RCSD1: variants seen among roughly 807,000 people sequenced by gnomAD.
RCSD1 encodes the protein RCSD domain containing 1, also known as capZ-interacting protein.
In RCSD1, 26 loss-of-function variants were observed where a neutral mutation model predicts 42.5. That is an observed-to-expected ratio of 0.61 (90% CI 0.45 to 0.85). The LOEUF (loss-of-function observed/expected upper bound fraction) is 0.85. RCSD1 is among the 40% of genes least tolerant of loss of function. The pLI, the probability that RCSD1 is intolerant of heterozygous loss-of-function variation, is 0.00. For missense variants in RCSD1, 571 were observed against 528.3 expected (o/e 1.08, Z -0.79); for synonymous variants, 220 against 212.2 (o/e 1.04, Z -0.32).
At chr1:167,667,834 G>T (rs1427568195) in intron 1 of RCSD1, among the ~76,000 whole-genome samples, 1 of 152,146 alleles carries the variant, frequency 6.6e-6, no homozygotes, top group African/African-American at 2.4e-5. Flanking sequence ...TGTTGCCCCA[G>T]TGGTATTGGT....
chr1:167,658,014 A>G, intron 1 of RCSD1, among the ~76,000 whole-genome samples: 1 of 151,964 alleles, frequency 6.6e-6, no homozygotes, highest in East Asian at 1.9e-4. Flanking sequence ...TGCAGCCTCA[A>G]GCTCCTGAGC....
chr1:167,677,646 A>T lies in RCSD1; in HGVS notation c.7-6254A>T, dbSNP rs548102227. ...CACAATTTACATGTGAGAGATGAGT[A>T]GAGGAAACAGTCCACCTATTGCCTC... On this transcript the variant is annotated intron_variant, in intron 1 of 6. Coordinates refer to ENST00000367854, the MANE Select transcript of RCSD1 (RefSeq NM_052862.4). Among the ~76,000 whole-genome samples, 138 of 152,346 alleles carry T rather than the reference A, an allele frequency of 9.1e-4. 2 individuals carry two copies. Among genetic ancestry groups the T allele is most frequent in the South Asian group, 5.0e-3 (24 of 4,832 alleles).
intron 1 of RCSD1, among the ~76,000 whole-genome samples, chr1:167,658,683 G>A (rs958291092): frequency 7.9e-5 from 12 of 151,780 alleles, no homozygotes; most frequent in African/African-American, 2.2e-4. Context: ...CACCCTCCTC[G>A]GCCTCCCAAA....
intron 1 of RCSD1, among the ~76,000 whole-genome samples, chr1:167,645,936 A>C (rs2102202293): frequency 6.6e-6 from 1 of 152,242 alleles, no homozygotes; most frequent in South Asian, 2.1e-4. Flanking sequence ...TGGAAGGAGC[A>C]CTGGAGGGCC....
At chr1:167,636,748 G>A (rs972785112) in intron 1 of RCSD1, among the ~76,000 whole-genome samples, 2 of 151,958 alleles carry the variant, frequency 1.3e-5, no homozygotes, top group Admixed American at 6.5e-5. Flanking sequence ...CACCACACTC[G>A]GCTAATTTTG....
Position 167,697,150 on chromosome 1 carries a change from A to G in RCSD1, c.526A>G (p.Arg176Gly). Residue 176 changes from arginine to glycine, a missense_variant, in exon 6 of 7, where the codon AGG becomes GGG. Coordinates refer to ENST00000367854, the MANE Select transcript of RCSD1 (RefSeq NM_052862.4). ...KRRPPSRRFR[R>G]SQSDCGELGD... Reference sequence around the variant, plus strand: ...GCGCCCTCCCTCCAGGCGATTCCGAAGGTCACAGTCAGACTGTGGAGAACT... The same window carrying G: ...GCGCCCTCCCTCCAGGCGATTCCGAGGGTCACAGTCAGACTGTGGAGAACT... The G allele has an allele frequency of 1.2e-6, 2 of 1,614,140 alleles. No individual in the cohort carries two copies. Among genetic ancestry groups the G allele is most frequent in the African/African-American group, 1.3e-5 (1 of 75,036 alleles).
At chr1:167,690,716 C>T (rs900571597) in intron 4 of RCSD1, among the ~76,000 whole-genome samples, 3 of 152,030 alleles carry the variant, frequency 2.0e-5, no homozygotes, top group Non-Finnish European at 4.4e-5. Flanking sequence ...GGAAAGGACA[C>T]CATAGTTGCC....
intron 1 of RCSD1, among the ~76,000 whole-genome samples, chr1:167,650,283 G>A (rs1490150331): frequency 6.6e-6 from 1 of 152,238 alleles, no homozygotes; most frequent in Non-Finnish European, 1.5e-5. Context: ...AGAAGCAGGT[G>A]CTCTGGAGCC....
chr1:167,683,565 T>C (rs1464205015), intron 1 of RCSD1, among the ~76,000 whole-genome samples: 1 of 152,236 alleles, frequency 6.6e-6, no homozygotes, highest in Non-Finnish European at 1.5e-5. Context: ...ACTCGTACAC[T>C]GTCGCAGACG....
In RCSD1 at chr1:167,708,184, C is replaced by G. The variant is rs1195040244; in HGVS notation, c.*3488C>G. Among the ~76,000 whole-genome samples, 2 of 152,158 alleles carry G rather than the reference C, an allele frequency of 1.3e-5. No individual in the cohort carries two copies. Among genetic ancestry groups the G allele is most frequent in the Non-Finnish European group, 2.9e-5 (2 of 68,028 alleles). ...GCGTGCCCTCTCCTGGAGCTAGGAG[C>G]TAGGTGAGTCAATCCTGCACTTTCT... On this transcript the variant is annotated 3_prime_UTR_variant, in exon 7 of 7. Transcript: ENST00000367854.
chr1:167,694,188 C>A lies in RCSD1; in HGVS notation c.360C>A (p.Ser120Arg). ...GLKAMVSPFH[S>R]PPSTPSSPGV... Reference sequence around the variant, plus strand: ...AGGCTATGGTGTCGCCATTTCACAGCCCACCTTCTACCCCCAGCAGCCCTG... The same window carrying A: ...AGGCTATGGTGTCGCCATTTCACAGACCACCTTCTACCCCCAGCAGCCCTG... Residue 120 changes from serine to arginine, a missense_variant, in exon 5 of 7, where the codon AGC becomes AGA. Physicochemically the swap from Ser to Arg is moderately radical, Grantham distance 110. Transcript: ENST00000367854. 1.2e-6 allele frequency: 2 copies of A among 1,614,226 alleles called. No individual in the cohort carries two copies. The highest frequency in any genetic ancestry group is 1.7e-6 in the Non-Finnish European group (2 of 1,180,032).
intron 1 of RCSD1, among the ~76,000 whole-genome samples, chr1:167,650,273 A>G (rs1243883710): frequency 6.6e-6 from 1 of 152,204 alleles, no homozygotes; most frequent in Non-Finnish European, 1.5e-5. Flanking sequence ...TCCCTCAAAG[A>G]GAAGCAGGTG....
At chr1:167,646,643 A>G (rs984585196) in intron 1 of RCSD1, among the ~76,000 whole-genome samples, 9 of 152,110 alleles carry the variant, frequency 5.9e-5, no homozygotes, top group Non-Finnish European at 1.2e-4. Flanking sequence ...TTTAAGCCCC[A>G]CATGCATTAG....
chr1:167,646,141 C>T (rs1455657114), intron 1 of RCSD1, among the ~76,000 whole-genome samples: 2 of 152,150 alleles, frequency 1.3e-5, no homozygotes, highest in African/African-American at 4.8e-5. Context: ...TGTTTTCCAT[C>T]TAGGAGCATG....
chr1:167,692,577 T>C (rs1436933167), intron 4 of RCSD1, among the ~76,000 whole-genome samples: 1 of 151,860 alleles, frequency 6.6e-6, no homozygotes, highest in South Asian at 2.1e-4. Flanking sequence ...GGACTCAAAG[T>C]CTCAAACTCC....
At chr1:167,701,003 G>T (rs1288748252) in intron 6 of RCSD1, among the ~76,000 whole-genome samples, 2 of 152,190 alleles carry the variant, frequency 1.3e-5, no homozygotes, top group African/African-American at 4.8e-5. Flanking sequence ...TCTTCCTGCG[G>T]GAACTCCAGG....
intron 1 of RCSD1, among the ~76,000 whole-genome samples, chr1:167,658,368 T>A (rs1372387430): frequency 6.6e-6 from 1 of 152,228 alleles, no homozygotes; most frequent in Non-Finnish European, 1.5e-5. Flanking sequence ...CTTATCTGCA[T>A]CTTACAATTC....
At chr1:167,693,114 C>T (rs1452061690) in intron 4 of RCSD1, among the ~76,000 whole-genome samples, 2 of 152,202 alleles carry the variant, frequency 1.3e-5, no homozygotes, top group African/African-American at 2.4e-5. Context: ...ATGGAAAACC[C>T]ATGTACTTCC....
At chr1:167,679,845 G>A (rs1659037392) in intron 1 of RCSD1, among the ~76,000 whole-genome samples, 1 of 152,140 alleles carries the variant, frequency 6.6e-6, no homozygotes, top group African/African-American at 2.4e-5. Context: ...AGCCTAGTCT[G>A]GCCTGTACAT....
Sources: gnomAD v4.1 joint callset for allele counts (sites outside exome capture counted in the v4.1 genomes callset) on GRCh38, gnomAD v4.1.1 for gene constraint, MANE v1.5 for transcripts, NCBI Gene and HGNC (gene_info 2026-07-23, HGNC 2026-07-21) for gene names.